Variants in KDM4B observed in about 807,000 individuals in gnomAD.
KDM4B encodes the protein lysine demethylase 4B.
Under a neutral mutation model 125.2 loss-of-function variants are expected in KDM4B, and 32 were observed. The ratio of observed to expected loss-of-function variants is 0.26; its 90% confidence interval spans 0.19 to 0.34. The LOEUF (loss-of-function observed/expected upper bound fraction) is 0.34. KDM4B is among the 10% of genes least tolerant of loss of function. KDM4B has a pLI of 1.00. For missense variants in KDM4B, 1,190 were observed against 1,577.7 expected (o/e 0.75, Z 4.16); for synonymous variants, 721 against 677.9 (o/e 1.06, Z -0.99).
At chr19:5,111,340 C>CG (rs1168816237) in intron 10 of KDM4B, 1 of 751,896 alleles carries the variant, frequency 1.3e-6, no homozygotes, top group Non-Finnish European at 2.4e-6. Context: ...AGGCCGGCCC[C>CG]GGGGCGTGAC....
intron 9 of KDM4B, among the ~76,000 whole-genome samples, chr19:5,097,682 G>T (rs763386553): frequency 6.6e-6 from 1 of 152,262 alleles, no homozygotes; most frequent in Non-Finnish European, 1.5e-5. Flanking sequence ...GAGGACCGCT[G>T]CCCTGTGTGT....
rs2038288131 is a variant in KDM4B at position 5,081,359 on chromosome 19, TAGCAGTG to T, written c.781-1002_781-996del. Reference sequence around the variant, plus strand: ...CTTTCAAAGGCTTTATCAACGGGCTTAGCAGTGAGCAGGGAGTGGGGGTCAGTGTGGC... The same window carrying T: ...CTTTCAAAGGCTTTATCAACGGGCTTAGCAGGGAGTGGGGGTCAGTGTGGC... On this transcript the variant is annotated intron_variant, in intron 8 of 22. Transcript: ENST00000159111. The surrounding 1 kb of genome is among the most constrained non-coding windows in gnomAD (Gnocchi z 4.2). 6.6e-6 allele frequency among the ~76,000 whole-genome samples: 1 copy of T among 152,116 alleles called. No homozygotes were observed. The highest frequency in any genetic ancestry group is 2.4e-5 in the African/African-American group (1 of 41,438).
At chr19:5,037,096 G>A (rs1209719779) in intron 3 of KDM4B, among the ~76,000 whole-genome samples, 3 of 152,254 alleles carry the variant, frequency 2.0e-5, no homozygotes, top group Admixed American at 6.5e-5. Flanking sequence ...CGGGAGCGAA[G>A]TGTTTTTGTT....
chr19:4,989,659 T>C (rs939385516), intron 1 of KDM4B, among the ~76,000 whole-genome samples: 8 of 146,286 alleles, frequency 5.5e-5, no homozygotes, highest in Admixed American at 5.4e-4. Context: ...CTTCTTCTTC[T>C]TTTTTTTTTG....
chr19:5,044,447 C>T (rs1193354496), intron 5 of KDM4B, among the ~76,000 whole-genome samples: 1 of 152,104 alleles, frequency 6.6e-6, no homozygotes, highest in African/African-American at 2.4e-5. Flanking sequence ...GGGTGTCCAC[C>T]TTATCCCGCG....
At position 5,065,590 on chromosome 19, in the gene KDM4B, T is replaced by C. The variant is rs545618594; in HGVS notation, c.627-5420T>C. 2.6e-4 allele frequency among the ~76,000 whole-genome samples: 40 copies of C among 152,296 alleles called. No individual in the cohort carries two copies. The East Asian group carries it at 7.3e-3, about 28-fold the overall frequency. On this transcript the variant is annotated intron_variant, in intron 6 of 22. Coordinates refer to ENST00000159111, the MANE Select transcript of KDM4B (RefSeq NM_015015.3). ...TAAACAAAACACCAAGAAATTACACTATTAATAGCATCCTCTGCGGTGGAC... is the reference window on the plus strand; with the variant it reads ...TAAACAAAACACCAAGAAATTACACCATTAATAGCATCCTCTGCGGTGGAC...
At chr19:4,970,557 G>C (rs1399082054) in intron 1 of KDM4B, among the ~76,000 whole-genome samples, 2 of 152,116 alleles carry the variant, frequency 1.3e-5, no homozygotes, top group Admixed American at 1.3e-4. Context: ...GAATGTCCCC[G>C]GGCTGGAGAA....
intron 6 of KDM4B, among the ~76,000 whole-genome samples, chr19:5,068,313 A>G (rs781193715): frequency 3.3e-5 from 5 of 152,114 alleles, no homozygotes; most frequent in Non-Finnish European, 7.4e-5. Flanking sequence ...TCAGTCCGCC[A>G]GTTCCATGGC....
chr19:5,079,342 G>A lies in KDM4B; in HGVS notation c.780+1872G>A, dbSNP rs138578314. Among the ~76,000 whole-genome samples the A allele has an allele frequency of 6.6e-5, 10 of 152,334 alleles. 2 individuals carry two copies. Among genetic ancestry groups the A allele is most frequent in the African/African-American group, 2.4e-4 (10 of 41,576 alleles). On this transcript the variant is annotated intron_variant, in intron 8 of 22. Coordinates refer to ENST00000159111, the MANE Select transcript of KDM4B (RefSeq NM_015015.3). Reference sequence around the variant, plus strand: ...TGATTGTTGGATAATGTTGACAGCAGTGACACAGGGGACAGACACCGTGAG... The same window carrying A: ...TGATTGTTGGATAATGTTGACAGCAATGACACAGGGGACAGACACCGTGAG...
intron 6 of KDM4B, among the ~76,000 whole-genome samples, chr19:5,053,405 A>G (rs2037294432): frequency 6.6e-6 from 1 of 152,230 alleles, no homozygotes; most frequent in Non-Finnish European, 1.5e-5. Flanking sequence ...TGACAGAAAT[A>G]GAAAAGGAAG....
intron 9 of KDM4B, among the ~76,000 whole-genome samples, chr19:5,102,692 TGGGCGGC>T (rs1055275031): frequency 9.9e-5 from 15 of 152,154 alleles, no homozygotes; most frequent in South Asian, 2.1e-4. Flanking sequence ...TCACCGGCAA[TGGGCGGC>T]GGGCGACGGG....
At chr19:5,014,064 G>A (rs900787160) in intron 1 of KDM4B, among the ~76,000 whole-genome samples, 26 of 152,264 alleles carry the variant, frequency 1.7e-4, no homozygotes, top group Non-Finnish European at 1.0e-4. Flanking sequence ...TGAATGAGCC[G>A]TGCCCAGTGA....
At chr19:5,021,613 G>GATAGAGTGC (rs903741013) in intron 2 of KDM4B, among the ~76,000 whole-genome samples, 8 of 148,726 alleles carry the variant, frequency 5.4e-5, no homozygotes, top group African/African-American at 2.0e-4. Flanking sequence ...GAAAAGAGTA[G>GATAGAGTGC]ATAGAGTGCA....
At position 5,071,626 on chromosome 19, in the gene KDM4B, A is replaced by C. The variant is rs376536487; in HGVS notation, c.676+567A>C. ...ACTCTTGGGAAAGAAGGGGTTTGTC[A>C]TAGAGGGTCCCAGCATGTGCCTGAG... On this transcript the variant is annotated intron_variant, in intron 7 of 22. Coordinates refer to ENST00000159111, the MANE Select transcript of KDM4B (RefSeq NM_015015.3). Among the ~76,000 whole-genome samples the C allele has an allele frequency of 1.1e-4, 16 of 152,190 alleles. No individual in the cohort carries two copies. The East Asian group carries it at 1.9e-3, about 18-fold the overall frequency.
At chr19:5,134,160 GGGCAGGGTGTT>G in intron 14 of KDM4B, 99 bp downstream of exon 14, 1 of 1,196,750 alleles carries the variant, frequency 8.4e-7, no homozygotes, top group Non-Finnish European at 1.2e-6. Context: ...CTCTCACGCA[GGGCAGGGTGTT>G]GGCCAGCACC....
intron 9 of KDM4B, among the ~76,000 whole-genome samples, chr19:5,109,967 C>T (rs879787108): frequency 2.0e-5 from 3 of 152,210 alleles, no homozygotes; most frequent in Non-Finnish European, 2.9e-5. Context: ...AGATTTTTGC[C>T]TGGACCAACA....
intron 9 of KDM4B, among the ~76,000 whole-genome samples, chr19:5,094,862 A>C (rs1334028467): frequency 2.0e-5 from 3 of 152,206 alleles, no homozygotes; most frequent in Admixed American, 6.5e-5. Flanking sequence ...CCCTTTGCTA[A>C]TAGCCGGGTG....
chr19:5,072,813 C>G (rs894513166), intron 7 of KDM4B, among the ~76,000 whole-genome samples: 2 of 152,184 alleles, frequency 1.3e-5, no homozygotes, highest in Non-Finnish European at 2.9e-5. Flanking sequence ...AGGGCCAGTT[C>G]CATCTGGAGG....
intron 9 of KDM4B, among the ~76,000 whole-genome samples, chr19:5,090,491 T>TCC (rs2038668795): frequency 4.9e-5 from 2 of 40,946 alleles, no homozygotes; most frequent in Non-Finnish European, 4.7e-5. Flanking sequence ...TCTCTTTCTC[T>TCC]CCCCCTCTCG....
Sources: gnomAD v4.1 joint callset for allele counts (sites outside exome capture counted in the v4.1 genomes callset) on GRCh38, gnomAD v4.1.1 for gene constraint, Gnocchi (gnomAD v3.1) non-coding constraint, MANE v1.5 for transcripts, NCBI Gene and HGNC (gene_info 2026-07-23, HGNC 2026-07-21) for gene names.